CAMKMT: variants seen among roughly 807,000 people sequenced by gnomAD.
CAMKMT encodes calmodulin-lysine N-methyltransferase.
A neutral mutation model predicts 48.0 loss-of-function variants in CAMKMT; 53 were observed. The observed-to-expected ratio is 1.10, with a 90% CI of 0.89 to 1.39. The LOEUF is 1.39. CAMKMT is among the 40% of genes most tolerant of loss of function. The probability of loss-of-function intolerance (pLI) is 0.00; values close to 1 mark genes in which losing one functional copy is unlikely to be tolerated. For synonymous variants in CAMKMT, 165 were observed against 152.3 expected, an observed-to-expected ratio of 1.08 and a Z score of -0.61; for missense variants, 428 against 402.7, an observed-to-expected ratio of 1.06 and a Z score of -0.54.
intron 3 of CAMKMT, among the ~76,000 whole-genome samples, chr2:44,638,467 A>G (rs1048120884): frequency 5.3e-5 from 8 of 152,214 alleles, no homozygotes; most frequent in Admixed American, 3.3e-4. Flanking sequence ...CAAGAAGTCT[A>G]AAATCCTGCC....
chr2:44,697,081 A>G (rs1026305867), intron 3 of CAMKMT, among the ~76,000 whole-genome samples: 3 of 152,190 alleles, frequency 2.0e-5, no homozygotes, highest in Non-Finnish European at 4.4e-5. Flanking sequence ...TAACAGTTGC[A>G]GAAGAAGAGA....
chr2:44,544,122 G>A (rs1008157701), intron 3 of CAMKMT, among the ~76,000 whole-genome samples: 9 of 151,906 alleles, frequency 5.9e-5, no homozygotes, highest in African/African-American at 2.2e-4. Flanking sequence ...CAAAAGAGGA[G>A]TATGAGAAAA....
At chr2:44,534,477 A>G (rs982983869) in intron 3 of CAMKMT, among the ~76,000 whole-genome samples, 1 of 152,166 alleles carries the variant, frequency 6.6e-6, no homozygotes, top group South Asian at 2.1e-4. Context: ...GATAGAACAT[A>G]TGTTAGGCCA....
chr2:44,523,550 C>T (rs192394274), intron 3 of CAMKMT, among the ~76,000 whole-genome samples: 2 of 151,498 alleles, frequency 1.3e-5, no homozygotes, highest in Admixed American at 1.3e-4. Context: ...CCACCTCGGC[C>T]TCCCAAAGTG....
At chr2:44,525,127 A>G (rs1468539895) in intron 3 of CAMKMT, among the ~76,000 whole-genome samples, 1 of 152,230 alleles carries the variant, frequency 6.6e-6, no homozygotes, top group African/African-American at 2.4e-5. Flanking sequence ...AGGCATTTAT[A>G]TAAATTTTAT....
chr2:44,504,294 A>C (rs150566990), intron 3 of CAMKMT, among the ~76,000 whole-genome samples: 1 of 152,294 alleles, frequency 6.6e-6, no homozygotes, highest in East Asian at 1.9e-4. Flanking sequence ...ACACTGCTCA[A>C]ATGACTTAGG....
At chr2:44,407,950 T>C (rs1682896291) in intron 3 of CAMKMT, among the ~76,000 whole-genome samples, 1 of 151,868 alleles carries the variant, frequency 6.6e-6, no homozygotes, top group South Asian at 2.1e-4. Context: ...GATTTCCCAG[T>C]ATACTGGGAA....
chr2:44,586,927 A>G (rs1291436278), intron 3 of CAMKMT, among the ~76,000 whole-genome samples: 1 of 151,856 alleles, frequency 6.6e-6, no homozygotes, highest in African/African-American at 2.4e-5. Flanking sequence ...CATTGCCAGC[A>G]GCAGCATGGG....
At chr2:44,575,818 C>T (rs1424476990) in intron 3 of CAMKMT, among the ~76,000 whole-genome samples, 1 of 151,058 alleles carries the variant, frequency 6.6e-6, no homozygotes, top group African/African-American at 2.4e-5. Flanking sequence ...GTAACTGCAC[C>T]ACTACACTCC....
intron 3 of CAMKMT, among the ~76,000 whole-genome samples, chr2:44,687,351 A>G (rs1198268728): frequency 2.0e-5 from 3 of 152,230 alleles, no homozygotes; most frequent in African/African-American, 7.2e-5. Context: ...TTAATGAGTG[A>G]ACTCCTTGAG....
chr2:44,675,509 A>AG (rs1675632728), intron 3 of CAMKMT, among the ~76,000 whole-genome samples: 1 of 152,108 alleles, frequency 6.6e-6, no homozygotes, highest in Non-Finnish European at 1.5e-5. Flanking sequence ...CCTTTCTGGT[A>AG]AGAGAGGAAA....
chr2:44,546,239 A>C (rs1288116992), intron 3 of CAMKMT, among the ~76,000 whole-genome samples: 1 of 151,132 alleles, frequency 6.6e-6, no homozygotes, highest in Non-Finnish European at 1.5e-5. Flanking sequence ...GACCAATTTC[A>C]CATCTAAGTT....
chr2:44,540,608 G>A (rs527870230), intron 3 of CAMKMT, among the ~76,000 whole-genome samples: 7 of 152,138 alleles, frequency 4.6e-5, no homozygotes, highest in African/African-American at 1.2e-4. Context: ...AAAATTAGCC[G>A]GACATGGTGG....
intron 2 of CAMKMT, among the ~76,000 whole-genome samples, chr2:44,388,262 G>A (rs530218995): frequency 3.2e-4 from 48 of 152,094 alleles, no homozygotes; most frequent in East Asian, 1.2e-3. Flanking sequence ...TCTTGAGCTC[G>A]GAATTTCTTT....
intron 3 of CAMKMT, among the ~76,000 whole-genome samples, chr2:44,568,470 C>T (rs1051309467): frequency 1.3e-5 from 2 of 152,154 alleles, no homozygotes; most frequent in African/African-American, 4.8e-5. Context: ...ACATCATGTC[C>T]ATGCAGAGGT....
At chr2:44,551,584 C>T (rs1284270180) in intron 3 of CAMKMT, among the ~76,000 whole-genome samples, 1 of 152,176 alleles carries the variant, frequency 6.6e-6, no homozygotes, top group East Asian at 1.9e-4. Context: ...CACAGCCAGT[C>T]CATTAGCATT....
At chr2:44,439,225 C>T (rs765096245) in intron 3 of CAMKMT, among the ~76,000 whole-genome samples, 1 of 152,124 alleles carries the variant, frequency 6.6e-6, no homozygotes, top group Non-Finnish European at 1.5e-5. Context: ...CATTGGGACA[C>T]AGTTTATTAT....
At chr2:44,707,321 G>T in intron 5 of CAMKMT, 78 bp from the exon 6 acceptor site, 1 of 1,235,094 alleles carries the variant, frequency 8.1e-7, no homozygotes, top group Non-Finnish European at 1.2e-6. Flanking sequence ...GATACTGAAG[G>T]CTTGTCACTC....
chr2:44,477,187 G>C (rs556548573), intron 3 of CAMKMT, among the ~76,000 whole-genome samples: 1 of 152,252 alleles, frequency 6.6e-6, no homozygotes, highest in South Asian at 2.1e-4. Flanking sequence ...GTTTGCCGTA[G>C]TTCATTATAG....
Sources: allele counts gnomAD v4.1 joint callset (sites outside exome capture counted in the v4.1 genomes callset), GRCh38; gene constraint gnomAD v4.1.1; transcripts MANE v1.5; gene names NCBI Gene and HGNC (gene_info 2026-07-23, HGNC 2026-07-21).